ANO1: variants seen among roughly 807,000 people sequenced by gnomAD.
The protein encoded by ANO1 is anoctamin 1, also known as anoctamin-1.
ANO1 carries 59 observed loss-of-function variants against 124.0 expected under a neutral mutation model. The ratio of observed to expected loss-of-function variants is 0.48; its 90% confidence interval spans 0.39 to 0.59. The LOEUF is 0.59. ANO1 is among the 20% of genes least tolerant of loss of function. The pLI, the probability that ANO1 is intolerant of heterozygous loss-of-function variation, is 0.00. For synonymous variants in ANO1, 529 were observed against 532.0 expected (o/e 0.99, Z 0.08); for missense variants, 1,059 against 1,328.0 (o/e 0.80, Z 3.15).
chr11:69,974,185 G>C, the ANO1 span, among the ~76,000 whole-genome samples: 1 of 151,904 alleles, frequency 6.6e-6, no homozygotes, highest in Non-Finnish European at 1.5e-5. Flanking sequence ...CAGGTGTGGT[G>C]GTGGGCACCT....
intron 1 of ANO1, among the ~76,000 whole-genome samples, chr11:70,023,862 AG>A (rs1230247258): frequency 6.6e-6 from 1 of 152,224 alleles, no homozygotes; most frequent in Non-Finnish European, 1.5e-5. Flanking sequence ...ACTGGCCTGT[AG>A]TTGCTCTGTG....
intron 10 of ANO1, among the ~76,000 whole-genome samples, chr11:70,127,143 G>A (rs1419081765): frequency 2.8e-5 from 4 of 145,382 alleles, no homozygotes; most frequent in South Asian, 2.3e-4. Context: ...AGACGTGAAC[G>A]CTAGAGGCTT....
intron 1 of ANO1, among the ~76,000 whole-genome samples, chr11:70,054,018 G>A (rs925200259): frequency 1.3e-5 from 2 of 152,230 alleles, no homozygotes; most frequent in African/African-American, 2.4e-5. Context: ...AGAAACTGTC[G>A]TAATGTCTGC....
intron 11 of ANO1, chr11:70,149,482 C>G: frequency 2.1e-6 from 1 of 485,938 alleles, no homozygotes; most frequent in Non-Finnish European, 3.7e-6. Context: ...GAAACCCTGT[C>G]TCTACTAAAA....
intron 1 of ANO1, among the ~76,000 whole-genome samples, chr11:69,991,020 C>T (rs1270327480): frequency 2.0e-5 from 3 of 152,196 alleles, no homozygotes; most frequent in African/African-American, 7.2e-5. Flanking sequence ...TTGGAGTCAT[C>T]TCTAAGAATC....
At chr11:70,038,314 G>A (rs1419707199) in intron 1 of ANO1, among the ~76,000 whole-genome samples, 1 of 152,122 alleles carries the variant, frequency 6.6e-6, no homozygotes, top group Non-Finnish European at 1.5e-5. Context: ...ATTTAGAAAA[G>A]TTTCAAGCTG....
intron 1 of ANO1, among the ~76,000 whole-genome samples, chr11:70,005,742 C>T (rs888515835): frequency 7.9e-5 from 12 of 152,108 alleles, no homozygotes; most frequent in Non-Finnish European, 1.6e-4. Flanking sequence ...TGGGACTGAC[C>T]GAGAAGGGAC....
At chr11:70,122,633 C>G (rs2046340621) in intron 8 of ANO1, among the ~76,000 whole-genome samples, 1 of 147,870 alleles carries the variant, frequency 6.8e-6, no homozygotes, top group Admixed American at 6.7e-5. Flanking sequence ...CCCTCCCTCC[C>G]CCTTCTCTCT....
chr11:70,098,727 C>T (rs1387778526), intron 2 of ANO1, among the ~76,000 whole-genome samples: 1 of 152,202 alleles, frequency 6.6e-6, no homozygotes, highest in Non-Finnish European at 1.5e-5. Flanking sequence ...CAGGGAGTCC[C>T]ATCCGTGGCC....
At chr11:69,978,774 T>A in the ANO1 span, among the ~76,000 whole-genome samples, 1 of 152,340 alleles carries the variant, frequency 6.6e-6, no homozygotes. Flanking sequence ...ACGAATTGAA[T>A]TATTCCTGCA....
intron 1 of ANO1, among the ~76,000 whole-genome samples, chr11:70,011,323 T>C (rs1591032631): frequency 6.6e-6 from 1 of 152,104 alleles, no homozygotes. Context: ...TGTCAGGACA[T>C]TTAGTGCCTG....
At chr11:70,099,890 T>TA (rs889826140) in intron 2 of ANO1, among the ~76,000 whole-genome samples, 3 of 152,162 alleles carry the variant, frequency 2.0e-5, no homozygotes, top group Admixed American at 1.3e-4. Context: ...CCCAGGCCTC[T>TA]AAGCACAGTG....
Position 70,157,038 on chromosome 11 carries a change from T to A in ANO1, c.1578+17T>A. 1.9e-6 allele frequency: 3 copies of A among 1,609,978 alleles called. No homozygotes were observed. The highest frequency in any genetic ancestry group is 2.5e-6 in the Non-Finnish European group (3 of 1,177,676). On this transcript the variant is annotated intron_variant, in intron 16 of 25. Coordinates refer to ENST00000355303, the MANE Select transcript of ANO1 (RefSeq NM_018043.7). ...ATCTTCATGGTAAGTTCCAGAAGGT[T>A]AAGGCCAGACGAAGTCAGGGGAAAC...
intron 1 of ANO1, among the ~76,000 whole-genome samples, chr11:69,986,782 A>G (rs1393607012): frequency 2.0e-5 from 3 of 152,152 alleles, no homozygotes; most frequent in East Asian, 3.9e-4. Context: ...TAATTTTAAA[A>G]TAAATGACCC....
intron 1 of ANO1, among the ~76,000 whole-genome samples, chr11:70,028,823 C>T (rs1856953366): frequency 6.6e-6 from 1 of 152,104 alleles, no homozygotes; most frequent in South Asian, 2.1e-4. Flanking sequence ...GCTTTGTTGC[C>T]CGGGCTAGAG....
chr11:70,008,226 A>G (rs1360018563), intron 1 of ANO1, among the ~76,000 whole-genome samples: 3 of 152,056 alleles, frequency 2.0e-5, no homozygotes, highest in African/African-American at 7.2e-5. Flanking sequence ...CACTCTGTTT[A>G]TTTCCTTTGC....
chr11:70,058,921 C>T (rs537690676), intron 1 of ANO1, among the ~76,000 whole-genome samples: 1 of 151,914 alleles, frequency 6.6e-6, no homozygotes, highest in Non-Finnish European at 1.5e-5. Context: ...CGGTGGCTCA[C>T]GCCTGTAATC....
intron 2 of ANO1, among the ~76,000 whole-genome samples, chr11:70,095,436 G>GA (rs1447440156): frequency 1.4e-5 from 2 of 143,978 alleles, no homozygotes; most frequent in Non-Finnish European, 3.1e-5. Context: ...GAAAAGAAAA[G>GA]AAAGAAAGAG....
intron 3 of ANO1, 132 bp downstream of exon 3, chr11:70,103,296 C>T: frequency 1.4e-6 from 1 of 706,550 alleles, no homozygotes; most frequent in Non-Finnish European, 2.4e-6. Context: ...TCACGGCTAC[C>T]CCTGCAAAGA....
Sources: gnomAD v4.1 joint callset for allele counts (sites outside exome capture counted in the v4.1 genomes callset) on GRCh38, gnomAD v4.1.1 for gene constraint, MANE v1.5 for transcripts, NCBI Gene and HGNC (gene_info 2026-07-23, HGNC 2026-07-21) for gene names.